Variants in STK17B observed in about 807,000 individuals in gnomAD.
STK17B encodes serine/threonine-protein kinase 17B.
A neutral mutation model predicts 42.0 loss-of-function variants in STK17B; 21 were observed. The observed-to-expected ratio is 0.50, with a 90% CI of 0.35 to 0.72. The LOEUF (loss-of-function observed/expected upper bound fraction) is 0.72. Ranked by LOEUF, STK17B falls within the 30% of genes least tolerant of loss-of-function variation. STK17B has a pLI of 0.00. For synonymous variants in STK17B, 143 were observed against 148.4 expected (o/e 0.96, Z 0.26); for missense variants, 349 against 446.0 (o/e 0.78, Z 1.96).
At chr2:196,142,020 A>G (rs1699501148) in intron 5 of STK17B, among the ~76,000 whole-genome samples, 2 of 152,154 alleles carry the variant, frequency 1.3e-5, no homozygotes, top group South Asian at 4.1e-4. Context: ...GTGCATCTGC[A>G]ATGACATCAT....
At chr2:196,145,771 C>G in intron 4 of STK17B, 140 bp downstream of exon 4, 1 of 713,896 alleles carries the variant, frequency 1.4e-6, no homozygotes, top group Non-Finnish European at 2.1e-6. Context: ...CATAGGCACA[C>G]GTAAGCAAAG....
rs371516177 is a variant in STK17B, at chr2:196,161,594, C to T, written c.122+1668G>A. ...AGTGCAGTGGCATGATATCGGCTCA[C>T]TGCAACCTCCACCTGCCGGGTTCAA... On this transcript the variant is annotated intron_variant, in intron 2 of 7. Coordinates refer to ENST00000263955, the MANE Select transcript of STK17B (RefSeq NM_004226.4). Among the ~76,000 whole-genome samples the T allele has an allele frequency of 3.9e-4, 54 of 137,770 alleles. 1 individual carries two copies. In the South Asian group the frequency reaches 0.01, roughly 26 times the overall value. 90.4% of individuals were successfully genotyped at this position (137,770 alleles called of 152,430 possible).
chr2:196,143,570 T>C lies in STK17B; in HGVS notation c.597A>G (p.Pro199=). 1 of 1,595,978 alleles carries C rather than the reference T, an allele frequency of 6.3e-7. No individual in the cohort carries two copies. The highest frequency in any genetic ancestry group is 1.1e-5 in the South Asian group (1 of 87,036). The change falls in exon 5 of 8, where the codon CCA becomes CCG. Residue 199 remains proline, a synonymous_variant. Transcript: ENST00000263955. ...ACELREIMGT[P]EYLAPEILNY... ...AAAGGAAATTCTTACCTAAATATTCTGGTGTTCCCATGATTTCCCGAAGTT... is the reference window on the plus strand; with the variant it reads ...AAAGGAAATTCTTACCTAAATATTCCGGTGTTCCCATGATTTCCCGAAGTT...
At chr2:196,156,748 T>C in intron 2 of STK17B, 97 bp from the exon 3 acceptor site, 1 of 892,450 alleles carries the variant, frequency 1.1e-6, no homozygotes. Flanking sequence ...AAGTCAATTC[T>C]TTGAAATATC....
intron 3 of STK17B, 121 bp downstream of exon 3, chr2:196,156,317 CT>C: frequency 1.1e-6 from 1 of 881,860 alleles, no homozygotes; most frequent in Non-Finnish European, 1.7e-6. Flanking sequence ...AATTAGGTCC[CT>C]TTTACATTTT....
chr2:196,174,729 C>T (rs1699982900), upstream of STK17B, among the ~76,000 whole-genome samples: 1 of 152,232 alleles, frequency 6.6e-6, no homozygotes, highest in Non-Finnish European at 1.5e-5. Flanking sequence ...TGTCGCAGTG[C>T]ATTTACTCAT....
chr2:196,164,337 A>C (rs1307431489), intron 1 of STK17B, among the ~76,000 whole-genome samples: 2 of 152,224 alleles, frequency 1.3e-5, no homozygotes, highest in African/African-American at 4.8e-5. Context: ...GAAGTGCTCA[A>C]TAATTTTGTT....
intron 3 of STK17B, among the ~76,000 whole-genome samples, chr2:196,150,964 C>T (rs922669907): frequency 2.6e-5 from 4 of 152,136 alleles, no homozygotes; most frequent in African/African-American, 9.7e-5. Context: ...GTTCAACATA[C>T]GTTATGGTTG....
intron 4 of STK17B, 91 bp downstream of exon 4, chr2:196,145,820 T>C (rs1052099691): frequency 1.9e-5 from 25 of 1,318,052 alleles, no homozygotes; most frequent in South Asian, 1.2e-4. Context: ...GAACCAACCA[T>C]TGTTTCCTGT....
chr2:196,155,819 C>T (rs933411862), intron 3 of STK17B, among the ~76,000 whole-genome samples: 1 of 152,186 alleles, frequency 6.6e-6, no homozygotes, highest in Non-Finnish European at 1.5e-5. Context: ...CTACCCCTAC[C>T]ACCTGGTGAA....
At chr2:196,140,337 C>A (rs929188996) in intron 6 of STK17B, among the ~76,000 whole-genome samples, 3 of 152,152 alleles carry the variant, frequency 2.0e-5, no homozygotes, top group Non-Finnish European at 2.9e-5. Flanking sequence ...TTTTCCTGGG[C>A]AAACCCATGA....
chr2:196,170,666 T>TA (rs1260321482), intron 1 of STK17B, among the ~76,000 whole-genome samples: 1 of 152,160 alleles, frequency 6.6e-6, no homozygotes, highest in Non-Finnish European at 1.5e-5. Context: ...CCAGTAGTGG[T>TA]ATAGTTTGAG....
intron 4 of STK17B, 148 bp downstream of exon 4, chr2:196,145,763 T>G: frequency 1.6e-6 from 1 of 627,124 alleles, no homozygotes; most frequent in African/African-American, 1.9e-5. Context: ...TAAGGCCACA[T>G]AGGCACACGT....
rs1037919761 is a variant in STK17B, at chr2:196,163,133, G to C, written c.122+129C>G. On this transcript the variant is annotated intron_variant, in intron 2 of 7. Coordinates refer to ENST00000263955, the MANE Select transcript of STK17B (RefSeq NM_004226.4). ...AGTTAAGACTGGACCCTAGGTAACA[G>C]CAACAGAGATCACAACTTTCCTTCC... 3.5e-6 allele frequency: 4 copies of C among 1,141,068 alleles called. No homozygotes were observed. The African/African-American group carries it at 4.7e-5, about 13-fold the overall frequency. The allele number at this position is 1,141,068 out of a possible 1,614,324, so 70.7% of individuals were successfully genotyped here.
At chr2:196,168,727 T>A (rs1699899827) in intron 1 of STK17B, among the ~76,000 whole-genome samples, 1 of 152,190 alleles carries the variant, frequency 6.6e-6, no homozygotes, top group Non-Finnish European at 1.5e-5. Context: ...CTTAATAAAG[T>A]ATGCCCTGAA....
rs1575185702 is a variant in STK17B, at chr2:196,163,212, A to G, written c.122+50T>C. ...GAGTTTTATAGAATTATAAAAACAC[A>G]AATCCAAAATTTGAATTTAGATGGC... On this transcript the variant is annotated intron_variant, in intron 2 of 7. Coordinates refer to ENST00000263955, the MANE Select transcript of STK17B (RefSeq NM_004226.4). The G allele has an allele frequency of 6.9e-6, 11 of 1,593,860 alleles. No homozygotes were observed. In the East Asian group the frequency reaches 2.5e-4, roughly 36 times the overall value.
chr2:196,174,194 A>C (rs1699978041), upstream of STK17B: 1 of 152,222 alleles, frequency 6.6e-6, no homozygotes, highest in African/African-American at 2.4e-5. Context: ...GGATCACTCC[A>C]GGTTAGTAAT....
At chr2:196,138,234 A>G (rs1018934594) in intron 7 of STK17B, among the ~76,000 whole-genome samples, 1 of 152,008 alleles carries the variant, frequency 6.6e-6, no homozygotes, top group Non-Finnish European at 1.5e-5. Flanking sequence ...ATATACACAC[A>G]CATACACATA....
At chr2:196,143,249 CA>C (rs1699518093) in intron 5 of STK17B, among the ~76,000 whole-genome samples, 1 of 151,230 alleles carries the variant, frequency 6.6e-6, no homozygotes, top group African/African-American at 2.4e-5. Context: ...TTTCTTTTTC[CA>C]TTTTTCTCTT....
Sources: gnomAD v4.1 joint callset for allele counts (sites outside exome capture counted in the v4.1 genomes callset) on GRCh38, gnomAD v4.1.1 for gene constraint, MANE v1.5 for transcripts, NCBI Gene and HGNC (gene_info 2026-07-23, HGNC 2026-07-21) for gene names.